LRRC20: variants seen among roughly 807,000 people sequenced by gnomAD.
The protein encoded by LRRC20 is leucine-rich repeat-containing protein 20.
A neutral mutation model predicts 14.4 loss-of-function variants in LRRC20; 11 were observed. The observed-to-expected ratio is 0.77, with a 90% CI of 0.48 to 1.27. The LOEUF is 1.27. Among genes scored for constraint, LRRC20 ranks in the 50% most tolerant of loss-of-function variants. The probability of loss-of-function intolerance (pLI) is 0.00; values close to 1 mark genes in which losing one functional copy is unlikely to be tolerated. For synonymous variants in LRRC20, 121 were observed against 107.3 expected, an observed-to-expected ratio of 1.13 and a Z score of -0.79; for missense variants, 219 against 251.2, an observed-to-expected ratio of 0.87 and a Z score of 0.87.
At chr10:70,307,432 C>T (rs1841467252) in intron 4 of LRRC20, among the ~76,000 whole-genome samples, 1 of 152,226 alleles carries the variant, frequency 6.6e-6, no homozygotes, top group Non-Finnish European at 1.5e-5. Flanking sequence ...TGTTGAATCT[C>T]CCAGGAGCTT....
Position 70,372,690 on chromosome 10 carries a change from C to T in LRRC20, c.82+3762G>A, listed in dbSNP as rs1844342754. 5.9e-5 allele frequency among the ~76,000 whole-genome samples: 9 copies of T among 152,156 alleles called. No individual in the cohort carries two copies. The South Asian group carries it at 1.9e-3, about 32-fold the overall frequency. Reference sequence around the variant, plus strand: ...ATCTCCTGACCTTGTGATCCGCCCGCCTCGGCCACCCAAAGTGCTGGGATT... The same window carrying T: ...ATCTCCTGACCTTGTGATCCGCCCGTCTCGGCCACCCAAAGTGCTGGGATT... On this transcript the variant is annotated intron_variant, in intron 2 of 4. Transcript: ENST00000446961.
At chr10:70,307,569 AC>A (rs1841473901) in intron 4 of LRRC20, among the ~76,000 whole-genome samples, 1 of 152,234 alleles carries the variant, frequency 6.6e-6, no homozygotes, top group African/African-American at 2.4e-5. Context: ...GCTGTGGGTC[AC>A]AGCATAGAAC....
chr10:70,335,776 G>T (rs1842710328), intron 3 of LRRC20, among the ~76,000 whole-genome samples: 1 of 152,152 alleles, frequency 6.6e-6, no homozygotes, highest in Non-Finnish European at 1.5e-5. Context: ...CATTTTTCTA[G>T]TTATTTCCCA....
At chr10:70,334,169 T>C (rs1266758530) in intron 3 of LRRC20, among the ~76,000 whole-genome samples, 1 of 149,030 alleles carries the variant, frequency 6.7e-6, no homozygotes, top group East Asian at 2.0e-4. Context: ...AAAAAGAAAA[T>C]GTGTTTCTGA....
intron 2 of LRRC20, among the ~76,000 whole-genome samples, chr10:70,350,244 C>A (rs1423367784): frequency 6.6e-6 from 1 of 152,232 alleles, no homozygotes; most frequent in African/African-American, 2.4e-5. Context: ...GCAGCCCCAG[C>A]CACTGACACC....
chr10:70,323,052 G>A (rs61858215), intron 4 of LRRC20, among the ~76,000 whole-genome samples: 21,562 of 152,020 alleles, frequency 0.14, 1,643 homozygotes, highest in Middle Eastern at 0.31. Context: ...GACTGAAGGG[G>A]GTTATTATGA....
intron 2 of LRRC20, among the ~76,000 whole-genome samples, chr10:70,372,445 GT>G (rs35874508): frequency 1.6e-4 from 21 of 133,294 alleles, no homozygotes; most frequent in South Asian, 2.4e-4. Context: ...CCTTCTTTTC[GT>G]TTTTTTTTTT....
intron 4 of LRRC20, among the ~76,000 whole-genome samples, chr10:70,305,495 T>G (rs534591865): frequency 7.2e-5 from 11 of 152,338 alleles, no homozygotes; most frequent in South Asian, 6.2e-4. Context: ...TCATCATTAA[T>G]TTAGTCTATT....
intron 2 of LRRC20, among the ~76,000 whole-genome samples, chr10:70,362,277 A>T (rs1310861900): frequency 1.3e-5 from 2 of 152,262 alleles, no homozygotes; most frequent in Admixed American, 1.3e-4. Context: ...CAAAGGGAAC[A>T]GTATGTGCAA....
Position 70,376,664 on chromosome 10 carries a change from A to G in LRRC20, c.-63-68T>C, listed in dbSNP as rs1844521391. ...GGGGCCCACCCAGGCATCCCCCTCC[A>G]GCATCCTTCTCCCCCAGGACCCAGG... On this transcript the variant is annotated intron_variant, in intron 1 of 4. Coordinates refer to ENST00000446961, the MANE Select transcript of LRRC20 (RefSeq NM_001278212.2). The G allele has an allele frequency of 6.3e-6, 5 of 798,954 alleles. No individual in the cohort carries two copies. The South Asian group carries it at 6.3e-5, about 10-fold the overall frequency. The allele number at this position is 798,954 out of a possible 1,614,324, so 49.5% of individuals were successfully genotyped here.
At chr10:70,345,809 T>G (rs781101252) in intron 2 of LRRC20, among the ~76,000 whole-genome samples, 4 of 152,178 alleles carry the variant, frequency 2.6e-5, no homozygotes, top group Non-Finnish European at 5.9e-5. Context: ...CTGCTTTAAT[T>G]TGCAATATTT....
rs541122542 is a variant in LRRC20, at chr10:70,304,153, C to G, written c.401-2645G>C. Among the ~76,000 whole-genome samples the G allele has an allele frequency of 3.3e-5, 5 of 152,150 alleles. 1 individual carries two copies. The South Asian group carries it at 1.0e-3, about 32-fold the overall frequency. ...TAGGACGCTTGCCCTCGACGCGTGC[C>G]CTGTGCAAGCTGAGGCTCTGGCTGC... On this transcript the variant is annotated intron_variant, in intron 4 of 4. Coordinates refer to ENST00000446961, the MANE Select transcript of LRRC20 (RefSeq NM_001278212.2).
chr10:70,342,630 A>G (rs1039266908), intron 2 of LRRC20, among the ~76,000 whole-genome samples: 2 of 152,190 alleles, frequency 1.3e-5, no homozygotes, highest in African/African-American at 4.8e-5. Context: ...GGAAAAATTA[A>G]ATGTAGTAAA....
At chr10:70,320,145 A>G (rs1451072726) in intron 4 of LRRC20, among the ~76,000 whole-genome samples, 3 of 152,188 alleles carry the variant, frequency 2.0e-5, no homozygotes, top group Non-Finnish European at 4.4e-5. Flanking sequence ...AAGGCTGTAT[A>G]ATGTGGTTGG....
At chr10:70,375,060 C>T (rs750099217) in intron 2 of LRRC20, among the ~76,000 whole-genome samples, 2 of 152,064 alleles carry the variant, frequency 1.3e-5, no homozygotes, top group Non-Finnish European at 2.9e-5. Context: ...AGCTCTGAAC[C>T]GCAGTCTCAG....
At chr10:70,306,158 T>C (rs1356666270) in intron 4 of LRRC20, among the ~76,000 whole-genome samples, 1 of 152,048 alleles carries the variant, frequency 6.6e-6, no homozygotes, top group Non-Finnish European at 1.5e-5. Context: ...ACGCTTTTTT[T>C]CTGAATCATT....
chr10:70,349,486 G>A (rs955719203), intron 2 of LRRC20, among the ~76,000 whole-genome samples: 5 of 152,218 alleles, frequency 3.3e-5, no homozygotes, highest in African/African-American at 9.6e-5. Context: ...GCTGAGGCAG[G>A]AGAATTGCTT....
At position 70,321,495 on chromosome 10, in the gene LRRC20, G is replaced by C. The variant is rs560149692; in HGVS notation, c.400+2368C>G. Among the ~76,000 whole-genome samples, 9 of 152,344 alleles carry C rather than the reference G, an allele frequency of 5.9e-5. No individual in the cohort carries two copies. In the South Asian group the frequency reaches 1.9e-3, roughly 32 times the overall value. On this transcript the variant is annotated intron_variant, in intron 4 of 4. Coordinates refer to ENST00000446961, the MANE Select transcript of LRRC20 (RefSeq NM_001278212.2). ...ATAGAAGCAGAGAGACTCCAGCAAG[G>C]AAACAGTGGCTGCCTCCATATGCCC...
chr10:70,306,341 C>T (rs1841425530), intron 4 of LRRC20, among the ~76,000 whole-genome samples: 1 of 152,130 alleles, frequency 6.6e-6, no homozygotes, highest in African/African-American at 2.4e-5. Context: ...TCCTGTACAG[C>T]ACTTCCCCCT....
Sources: gnomAD v4.1 joint callset for allele counts (sites outside exome capture counted in the v4.1 genomes callset) on GRCh38, gnomAD v4.1.1 for gene constraint, MANE v1.5 for transcripts, NCBI Gene and HGNC (gene_info 2026-07-23, HGNC 2026-07-21) for gene names.